The following ZAN variants were observed in gnomAD, a reference collection of about 807,000 sequenced individuals.
ZAN encodes the protein zonadhesin.
ZAN carries 260 observed loss-of-function variants against 286.2 expected under a neutral mutation model. The ratio of observed to expected loss-of-function variants is 0.91; its 90% CI spans 0.82 to 1.01. The LOEUF is 1.01. ZAN is among the 50% of genes least tolerant of loss of function. The probability of loss-of-function intolerance (pLI) is 0.00; values close to 1 mark genes in which losing one functional copy is unlikely to be tolerated. For missense variants in ZAN, 3,410 were observed against 3,639.2 expected, an observed-to-expected ratio of 0.94 and a Z score of 1.62; for synonymous variants, 1,368 against 1,417.5, an observed-to-expected ratio of 0.97 and a Z score of 0.79.
intron 36 of ZAN, 108 bp downstream of exon 36, chr7:100,784,942 C>T (rs528514049): frequency 3.7e-5 from 48 of 1,296,416 alleles, no homozygotes; most frequent in Admixed American, 1.7e-4. Context: ...ACAGCTGGCC[C>T]GGGGGTGTGA....
chr7:100,767,488 TTTTTTG>T (rs1810072885), intron 25 of ZAN, among the ~76,000 whole-genome samples: 1 of 145,392 alleles, frequency 6.9e-6, no homozygotes, highest in Non-Finnish European at 1.5e-5. Flanking sequence ...TTTTTTTTTT[TTTTTTG>T]AGACAGGGTC....
At chr7:100,759,541 G>A (rs1202514588) in intron 17 of ZAN, among the ~76,000 whole-genome samples, 180 bp from the exon 18 acceptor site, 1 of 152,146 alleles carries the variant, frequency 6.6e-6, no homozygotes, top group Non-Finnish European at 1.5e-5. Flanking sequence ...GCGGCTGCAG[G>A]CTCTTCTGGA....
chr7:100,748,507 C>T (rs760760498), intron 11 of ZAN, 37 bp downstream of exon 11: 18 of 1,578,990 alleles, frequency 1.1e-5, no homozygotes, highest in Admixed American at 7.4e-5. Context: ...CAAGAAATCA[C>T]TCAGTCTGCT....
intron 22 of ZAN, among the ~76,000 whole-genome samples, chr7:100,765,062 C>T (rs576601377): frequency 3.1e-4 from 47 of 152,250 alleles, no homozygotes; most frequent in African/African-American, 9.4e-4. Flanking sequence ...CGGTCCCCTG[C>T]GGGCCAACAG....
chr7:100,786,236 C>CCCCA, intron 37 of ZAN, 95 bp downstream of exon 37: 1 of 1,537,356 alleles, frequency 6.5e-7, no homozygotes, highest in Non-Finnish European at 8.8e-7. Context: ...TTAGCCTGAA[C>CCCCA]CCCAGCACAG....
In ZAN at chr7:100,790,982, C is replaced by T; in HGVS notation, c.7398C>T (p.Gly2466=). The change falls in exon 40 of 48, where the codon GGC becomes GGT. Residue 2466 remains glycine, a synonymous_variant. Transcript: ENST00000613979. ...LPSMYEGLVS[G]LCGNYDKNRK... is the part of the protein sequence containing the mutation. ...GCATGTACGAGGGGCTTGTGAGTGG[C>T]CTGTGCGGAAACTACGACAAGAACC... The T allele has an allele frequency of 1.2e-6, 2 of 1,612,052 alleles. No individual in the cohort carries two copies. The highest frequency in any genetic ancestry group is 1.7e-6 in the Non-Finnish European group (2 of 1,179,236).
chr7:100,747,982 ACT>A (rs1808344592), intron 9 of ZAN, among the ~76,000 whole-genome samples, 153 bp from the exon 10 acceptor site: 3 of 138,650 alleles, frequency 2.2e-5, no homozygotes, highest in African/African-American at 8.1e-5. Context: ...ATAGAGCAAG[ACT>A]CTGAAAAAAA....
intron 35 of ZAN, among the ~76,000 whole-genome samples, chr7:100,780,239 A>G (rs911826042): frequency 5.9e-5 from 9 of 152,108 alleles, no homozygotes; most frequent in African/African-American, 1.9e-4. Flanking sequence ...AAGTTGTGCA[A>G]CCATCACTAC....
chr7:100,749,711 T>C (rs189058718), intron 11 of ZAN, among the ~76,000 whole-genome samples: 2,087 of 128,902 alleles, frequency 0.016, 66 homozygotes, highest in African/African-American at 0.05. Flanking sequence ...CATATATATA[T>C]ACACACACAC....
chr7:100,767,206 C>T lies in ZAN; in HGVS notation c.4809C>T (p.His1603=), dbSNP rs370495010. Residue 1603 remains histidine, a synonymous_variant, in exon 25 of 48, where the codon CAC becomes CAT. Coordinates refer to ENST00000613979, the MANE Select transcript of ZAN (RefSeq NM_003386.3). ...ILEVSYIKAV[H]VTVFDLSISL... The stretch of plus-strand genomic sequence containing the variant: ...AGGTCTCCTACATCAAAGCCGTCCA[C>T]GTGACAGTCTTTGACCTCAGCATCT... 7.4e-6 allele frequency: 12 copies of T among 1,613,350 alleles called. No homozygotes were observed. Among genetic ancestry groups the T allele is most frequent in the Admixed American group, 5.0e-5 (3 of 59,984 alleles).
chr7:100,776,748 C>T (rs1458008930), intron 34 of ZAN, among the ~76,000 whole-genome samples, 184 bp downstream of exon 34: 1 of 30,432 alleles, frequency 3.3e-5, no homozygotes, highest in African/African-American at 9.9e-5. Flanking sequence ...TTTTTTGAGA[C>T]GGAGTCTTGC....
chr7:100,785,450 C>T (rs575004365), intron 36 of ZAN, among the ~76,000 whole-genome samples: 2 of 151,966 alleles, frequency 1.3e-5, no homozygotes, highest in African/African-American at 4.8e-5. Context: ...AGGCTGGTCT[C>T]GAACTCCTGA....
intron 8 of ZAN, 52 bp from the exon 9 acceptor site, chr7:100,747,498 C>A: frequency 1.3e-6 from 2 of 1,517,916 alleles, no homozygotes; most frequent in South Asian, 1.1e-5. Flanking sequence ...AGTTCAAAGT[C>A]GTTTCCCAGT....
In ZAN at chr7:100,789,352, T is replaced by C. The variant is rs1811787748; in HGVS notation, c.7357+5T>C. The C allele has an allele frequency of 6.2e-7, 1 of 1,611,854 alleles. No homozygotes were observed. Among genetic ancestry groups the C allele is most frequent in the African/African-American group, 1.3e-5 (1 of 74,714 alleles). On this transcript the variant is annotated splice_donor_5th_base_variant and intron_variant, in intron 39 of 47. Coordinates refer to ENST00000613979, the MANE Select transcript of ZAN (RefSeq NM_003386.3). ...TTGGTGGAAGGAAAAATGCAGGTAA[T>C]GGAGAGAGGGGAAAGAAGAGCAAAA...
At position 100,738,383 on chromosome 7, in the gene ZAN, A is replaced by G. The variant is rs767776027; in HGVS notation, c.614-78A>G. The G allele has an allele frequency of 1.2e-5, 15 of 1,296,182 alleles. 1 individual carries two copies. The highest frequency in any genetic ancestry group is 1.5e-5 in the Non-Finnish European group (14 of 931,464). 80.3% of individuals were successfully genotyped at this position (1,296,182 alleles called of 1,614,324 possible). On this transcript the variant is annotated intron_variant, in intron 6 of 47. Transcript: ENST00000613979. ...CAGTGAGCTATGATCACACCACTGT[A>G]CTCTAGCCTGGGTGACAGAGACCCT...
In ZAN at chr7:100,773,313, C is replaced by G. The variant is rs371288681; in HGVS notation, c.5454C>G (p.Tyr1818Ter). Residue 1818 changes from tyrosine (Y) to a stop codon, truncating the protein, a stop_gained, in exon 30 of 48, where the codon TAC (tyrosine) becomes TAG (stop). Coordinates refer to ENST00000613979, the MANE Select transcript of ZAN (RefSeq NM_003386.3). LOFTEE classifies it high-confidence loss of function. ...TGAGGTGCCCACCTGGCAGCAGCTA[C>G]AGCCCCTGCAGCAGCCCCTGCCCAG... ...CPMRCPPGSS[Y>*]SPCSSPCPDT... is the part of the protein sequence containing the mutation. 18 of 1,613,810 alleles carry G rather than the reference C, an allele frequency of 1.1e-5. No homozygotes were observed. In the East Asian group the frequency reaches 3.8e-4, roughly 34 times the overall value.
In ZAN at chr7:100,797,382, C is replaced by T. The variant is rs371878327; in HGVS notation, c.8283C>T (p.Gly2761=). The change falls in exon 46 of 48, where the codon GGC becomes GGT. Residue 2761 remains glycine, a synonymous_variant. Coordinates refer to ENST00000613979, the MANE Select transcript of ZAN (RefSeq NM_003386.3). ...ACCCAGAAGCATCTAACCTGGTGGG[C>T]GTCCTACTGGGACTGCTGGTGCCTG... The part of the protein sequence containing the change: ...PPRKPASNLV[G]VLLGLLVPVV... The T allele has an allele frequency of 5.3e-5, 85 of 1,613,730 alleles. No homozygotes were observed. Among genetic ancestry groups the T allele is most frequent in the Middle Eastern group, 1.7e-4 (1 of 6,054 alleles).
At position 100,791,120 on chromosome 7, in the gene ZAN, G is replaced by C; in HGVS notation, c.7529+7G>C. On this transcript the variant is annotated splice_region_variant and intron_variant, in intron 40 of 47. Coordinates refer to ENST00000613979, the MANE Select transcript of ZAN (RefSeq NM_003386.3). ...CACTCCTGCGCTTCCCCAGGTGCAC[G>C]GCCTGGAAGGGATGAGGCGGGGGAG... is the stretch of plus-strand genomic sequence containing the variant. The C allele has an allele frequency of 1.2e-6, 2 of 1,608,258 alleles. No individual in the cohort carries two copies. Among genetic ancestry groups the C allele is most frequent in the Non-Finnish European group, 1.7e-6 (2 of 1,178,708 alleles).
In ZAN at chr7:100,763,584, T is replaced by C. The variant is rs1275213197; in HGVS notation, c.3987-222T>C. Among the ~76,000 whole-genome samples the C allele has an allele frequency of 6.6e-6, 1 of 152,106 alleles. No individual in the cohort carries two copies. The highest frequency in any genetic ancestry group is 6.5e-5 in the Admixed American group (1 of 15,276). ...TTTAAAGAGATGGGATCTCAGTGTG[T>C]TACCCAGGCTGGCCTGGAACTCCTG... On this transcript the variant is annotated intron_variant, in intron 20 of 47. Coordinates refer to ENST00000613979, the MANE Select transcript of ZAN (RefSeq NM_003386.3). This position sits in a 1 kb window ranked among gnomAD's most constrained non-coding sequence, Gnocchi z 4.6.
Sources: allele counts gnomAD v4.1 joint callset (sites outside exome capture counted in the v4.1 genomes callset), GRCh38; gene constraint gnomAD v4.1.1; non-coding constraint Gnocchi (gnomAD v3.1); transcripts MANE v1.5; gene names NCBI Gene and HGNC (gene_info 2026-07-23, HGNC 2026-07-21).